The following ABCA5 variants were observed in gnomAD, a reference collection of about 807,000 sequenced individuals.
The protein encoded by ABCA5 is cholesterol transporter ABCA5.
Under a neutral mutation model 206.0 loss-of-function variants are expected in ABCA5, and 163 were observed. That is an observed-to-expected ratio of 0.79 (90% confidence interval 0.70 to 0.90). The LOEUF is 0.90. Ranked by LOEUF, ABCA5 falls within the 40% of genes least tolerant of loss-of-function variation. The probability of loss-of-function intolerance (pLI) is 0.00; values close to 1 mark genes in which losing one functional copy is unlikely to be tolerated. For missense variants in ABCA5, 1,859 were observed against 1,912.9 expected (o/e 0.97, Z 0.53); for synonymous variants, 609 against 613.8 (o/e 0.99, Z 0.11).
chr17:69,256,440 T>TTTC (rs1567751482), intron 28 of ABCA5, among the ~76,000 whole-genome samples, 157 bp from the exon 29 acceptor site: 23 of 150,826 alleles, frequency 1.5e-4, no homozygotes, highest in Non-Finnish European at 7.4e-5. Context: ...ATTTCTTTTT[T>TTTC]TTTCTTTCTT....
chr17:69,323,044 A>G (rs1567788114), intron 1 of ABCA5, among the ~76,000 whole-genome samples: 1 of 152,270 alleles, frequency 6.6e-6, no homozygotes, highest in East Asian at 1.9e-4. Context: ...TGTAACAGAA[A>G]ATGGATAGTC....
In ABCA5 at chr17:69,270,016, A is replaced by G. The variant is rs61509666; in HGVS notation, c.3030+597T>C. On this transcript the variant is annotated intron_variant, in intron 22 of 38. Transcript: ENST00000392676. ...AACTGACTGTAGTGATGACTGCACA[A>G]CTCTATAAGCATAATAAAAGACACC... Among the ~76,000 whole-genome samples the G allele has an allele frequency of 1.5e-3, 224 of 152,122 alleles. 2 individuals carry two copies. The highest frequency in any genetic ancestry group is 5.0e-3 in the East Asian group (26 of 5,180).
chr17:69,299,501 A>ACACACACAC (rs1338431886), intron 9 of ABCA5, among the ~76,000 whole-genome samples: 2 of 42,706 alleles, frequency 4.7e-5, no homozygotes, highest in East Asian at 2.1e-3. Context: ...CACACACACA[A>ACACACACAC]AGGAATCCTA....
rs777171943 is a variant in ABCA5 at position 69,247,549 on chromosome 17, T to C, written c.4917A>G (p.Arg1639=). Residue 1639 remains arginine, a synonymous_variant, in exon 39 of 39, where the codon AGA becomes AGG. Coordinates refer to ENST00000392676, the MANE Select transcript of ABCA5 (RefSeq NM_172232.4). The part of the protein sequence containing the change: ...TLWWERTQED[R]VVF Reference sequence around the variant, plus strand: ...GAACAATACAAATTCAAAATACTACTCTATCTTCTTGTGTTCGTTCCCACC... The same window carrying C: ...GAACAATACAAATTCAAAATACTACCCTATCTTCTTGTGTTCGTTCCCACC... The C allele has an allele frequency of 1.4e-5, 22 of 1,599,368 alleles. No homozygotes were observed. The highest frequency in any genetic ancestry group is 8.7e-5 in the Admixed American group (5 of 57,534).
Position 69,255,999 on chromosome 17 carries a change from G to A in ABCA5, c.3859-149C>T, listed in dbSNP as rs933921500. ...AATATCCATTTATGACTGAAATTCT[G>A]GCTTATTCAAAAGTAAGTAAACGAA... On this transcript the variant is annotated intron_variant, in intron 29 of 38. Transcript: ENST00000392676. The A allele has an allele frequency of 8.6e-6, 10 of 1,159,990 alleles. No individual in the cohort carries two copies. The African/African-American group carries it at 1.6e-4, about 18-fold the overall frequency. The allele number at this position is 1,159,990 out of a possible 1,614,324, so 71.9% of individuals were successfully genotyped here. A position where few individuals can be genotyped will look rare whatever the true frequency, so the allele number is the denominator to read the frequency against.
In ABCA5 at chr17:69,290,015, G is replaced by A; in HGVS notation, c.1629C>T (p.His543=). The A allele has an allele frequency of 6.2e-7, 1 of 1,608,786 alleles. No individual in the cohort carries two copies. The highest frequency in any genetic ancestry group is 1.1e-5 in the South Asian group (1 of 90,218). ...ACATTTCATCTATTTCTGAGACTCT[G>A]TGTCCATATATAGATGCAAACCCTA... ...PSDGFASIYG[H]RVSEIDEMFE... is the part of the protein sequence containing the mutation. The change falls in exon 13 of 39, where the codon CAC becomes CAT. Residue 543 remains histidine (H), a synonymous_variant. Transcript: ENST00000392676.
At chr17:69,259,114 T>C (rs111923967) in intron 28 of ABCA5, among the ~76,000 whole-genome samples, 4,274 of 152,092 alleles carry the variant, frequency 0.028, 97 homozygotes, top group Admixed American at 0.06. Context: ...TATATGTCCA[T>C]ACAAACAGTT....
At chr17:69,307,848 A>G (rs532494839) in intron 5 of ABCA5, among the ~76,000 whole-genome samples, 14 of 152,288 alleles carry the variant, frequency 9.2e-5, no homozygotes, top group African/African-American at 3.4e-4. Flanking sequence ...TTTAGCAGAC[A>G]AGATGGTTGA....
chr17:69,308,622 T>G (rs996787167), intron 4 of ABCA5, among the ~76,000 whole-genome samples: 2 of 152,174 alleles, frequency 1.3e-5, no homozygotes, highest in African/African-American at 4.8e-5. Context: ...AAGAAAGAAA[T>G]TAATTGTAGT....
At chr17:69,291,102 A>C (rs896958409) in intron 12 of ABCA5, 114 bp downstream of exon 12, 1 of 555,092 alleles carries the variant, frequency 1.8e-6, no homozygotes, top group African/African-American at 1.9e-5. Context: ...AATCAAGAAA[A>C]AAAGAAAACA....
intron 1 of ABCA5, among the ~76,000 whole-genome samples, chr17:69,322,363 CAA>C (rs3029978): frequency 1.9e-5 from 1 of 52,382 alleles, no homozygotes. Flanking sequence ...GATTCCGTCT[CAA>C]AAAAAAAAAA....
At chr17:69,302,185 C>T (rs924683694) in intron 8 of ABCA5, among the ~76,000 whole-genome samples, 1 of 152,066 alleles carries the variant, frequency 6.6e-6, no homozygotes, top group African/African-American at 2.4e-5. Flanking sequence ...AGACTTCTTC[C>T]ATTTAGAACC....
chr17:69,317,744 C>T (rs72847007), intron 1 of ABCA5: 2,039 of 152,296 alleles, frequency 0.013, 22 homozygotes, highest in Non-Finnish European at 0.022. Context: ...GGTACATTTA[C>T]CCTTTGAAGA....
At chr17:69,289,120 C>CTTT (rs2075496252) in intron 14 of ABCA5, 57 bp downstream of exon 14, 2 of 1,535,652 alleles carry the variant, frequency 1.3e-6, no homozygotes, top group Middle Eastern at 3.4e-4. Context: ...CTACAACCTG[C>CTTT]TTTTTAATTC....
intron 34 of ABCA5, among the ~76,000 whole-genome samples, chr17:69,252,394 T>C (rs1490574227): frequency 6.6e-6 from 1 of 152,186 alleles, no homozygotes; most frequent in Non-Finnish European, 1.5e-5. Context: ...TTTCAAATGT[T>C]AATATGGGCT....
Position 69,267,908 on chromosome 17 carries a change from A to G in ABCA5, c.3144+35T>C, listed in dbSNP as rs1429139900. 23 of 1,255,864 alleles carry G rather than the reference A, an allele frequency of 1.8e-5. No individual in the cohort carries two copies. In the East Asian group the frequency reaches 5.2e-4, roughly 28 times the overall value. 77.8% of individuals were successfully genotyped at this position (1,255,864 alleles called of 1,614,324 possible). Reference sequence around the variant, plus strand: ...AGGTTATTTTTATATGACACTTCTTATTAGCAAATTATATATTTTTAACTG... The same window carrying G: ...AGGTTATTTTTATATGACACTTCTTGTTAGCAAATTATATATTTTTAACTG... On this transcript the variant is annotated intron_variant, in intron 23 of 38. Coordinates refer to ENST00000392676, the MANE Select transcript of ABCA5 (RefSeq NM_172232.4).
In ABCA5 at chr17:69,287,757, T is replaced by C; in HGVS notation, c.1903-6A>G. 3 of 1,609,968 alleles carry C rather than the reference T, an allele frequency of 1.9e-6. No homozygotes were observed. The highest frequency in any genetic ancestry group is 2.5e-6 in the Non-Finnish European group (3 of 1,178,288). Reference sequence around the variant, plus strand: ...GGTTCATCTAGCAGCAGTATCTGTGTGAAAAGAGGTGAAGAAGGGCAGGGA... The same window carrying C: ...GGTTCATCTAGCAGCAGTATCTGTGCGAAAAGAGGTGAAGAAGGGCAGGGA... On this transcript the variant is annotated splice_polypyrimidine_tract_variant and splice_region_variant and intron_variant, in intron 14 of 38. Coordinates refer to ENST00000392676, the MANE Select transcript of ABCA5 (RefSeq NM_172232.4).
At chr17:69,303,600 A>T (rs1297737833) in intron 7 of ABCA5, among the ~76,000 whole-genome samples, 1 of 144,362 alleles carries the variant, frequency 6.9e-6, no homozygotes, top group Non-Finnish European at 1.5e-5. Context: ...TAATTTATTC[A>T]TAAGATAAAA....
At chr17:69,283,150 C>T (rs2075414323) in intron 18 of ABCA5, among the ~76,000 whole-genome samples, 1 of 151,896 alleles carries the variant, frequency 6.6e-6, no homozygotes, top group Non-Finnish European at 1.5e-5. Context: ...CCATACCTGG[C>T]TAATTTTTGT....
Sources: allele counts gnomAD v4.1 joint callset (sites outside exome capture counted in the v4.1 genomes callset), GRCh38; gene constraint gnomAD v4.1.1; transcripts MANE v1.5; gene names NCBI Gene and HGNC (gene_info 2026-07-23, HGNC 2026-07-21).